Variants in CAMSAP2 observed in about 807,000 individuals in gnomAD.
CAMSAP2 encodes the protein calmodulin-regulated spectrin-associated protein 2.
CAMSAP2 carries 26 observed loss-of-function variants against 146.1 expected under a neutral mutation model. The observed-to-expected ratio is 0.18, with a 90% CI of 0.13 to 0.25. The LOEUF is 0.25. CAMSAP2 is among the 10% of genes least tolerant of loss of function. CAMSAP2 has a pLI of 1.00. For missense variants in CAMSAP2, 1,381 were observed against 1,759.3 expected (o/e 0.78, Z 3.85); for synonymous variants, 499 against 596.6 (o/e 0.84, Z 2.38).
chr1:200,840,708 A>G (rs1414770816), intron 6 of CAMSAP2, among the ~76,000 whole-genome samples: 1 of 152,254 alleles, frequency 6.6e-6, no homozygotes, highest in African/African-American at 2.4e-5. Flanking sequence ...AGGATTATTC[A>G]TAATTAGCAA....
chr1:200,755,738 C>G lies in CAMSAP2; in HGVS notation c.140-5101C>G, dbSNP rs527282931. On this transcript the variant is annotated intron_variant, in intron 1 of 16. Transcript: ENST00000358823. ...TGTGTTTCAGACGCAGTTCCAGGTA[C>G]TAGTGACACAGGACAGATAAGTATC... Among the ~76,000 whole-genome samples, 281 of 152,266 alleles carry G rather than the reference C, an allele frequency of 1.8e-3. 1 individual carries two copies. Among genetic ancestry groups the G allele is most frequent in the Middle Eastern group, 3.4e-3 (1 of 294 alleles).
At chr1:200,829,011 T>C (rs1004846466) in intron 4 of CAMSAP2, among the ~76,000 whole-genome samples, 8 of 151,858 alleles carry the variant, frequency 5.3e-5, no homozygotes, top group African/African-American at 1.9e-4. Context: ...CAAAATTAGC[T>C]GGGCGTGGTG....
chr1:200,791,573 T>C (rs188100977), intron 2 of CAMSAP2, among the ~76,000 whole-genome samples: 120 of 152,284 alleles, frequency 7.9e-4, no homozygotes, highest in African/African-American at 2.7e-3. Context: ...TTTTATGCTT[T>C]AGTTGGATAG....
At chr1:200,828,930 G>A (rs909800012) in intron 4 of CAMSAP2, among the ~76,000 whole-genome samples, 2 of 151,772 alleles carry the variant, frequency 1.3e-5, no homozygotes, top group Non-Finnish European at 2.9e-5. Context: ...GGCCAAGGTG[G>A]GCAGATCATG....
chr1:200,835,448 G>A (rs1223910216), intron 6 of CAMSAP2, among the ~76,000 whole-genome samples: 1 of 151,992 alleles, frequency 6.6e-6, no homozygotes, highest in Non-Finnish European at 1.5e-5. Flanking sequence ...TTCATTCATC[G>A]GCAGATATTT....
In CAMSAP2 at chr1:200,767,719, G is replaced by A. The variant is rs552682986; in HGVS notation, c.399+6621G>A. 7.3e-4 allele frequency among the ~76,000 whole-genome samples: 111 copies of A among 152,252 alleles called. No individual in the cohort carries two copies. In the South Asian group the frequency reaches 0.011, roughly 15 times the overall value. On this transcript the variant is annotated intron_variant, in intron 2 of 16. Coordinates refer to ENST00000358823, the MANE Select transcript of CAMSAP2 (RefSeq NM_203459.4). ...GCTTGCAAATTTATAAGCCAAACCTGTCTTTGAAAAATTAATTACATTCTC... is the reference window on the plus strand; with the variant it reads ...GCTTGCAAATTTATAAGCCAAACCTATCTTTGAAAAATTAATTACATTCTC...
chr1:200,854,803 T>C lies in CAMSAP2; in HGVS notation c.3824-14T>C, dbSNP rs1200382175. 6.2e-7 allele frequency: 1 copy of C among 1,602,434 alleles called. No homozygotes were observed. Among genetic ancestry groups the C allele is most frequent in the Middle Eastern group, 1.7e-4 (1 of 6,002 alleles). ...GTTTTTATTCAGGATCATGAATTTA[T>C]CGTGTTTTTTCAGTCTCTAGCCTTT... On this transcript the variant is annotated splice_polypyrimidine_tract_variant and intron_variant, in intron 13 of 16. Coordinates refer to ENST00000358823, the MANE Select transcript of CAMSAP2 (RefSeq NM_203459.4).
chr1:200,763,524 C>T (rs953854439), intron 2 of CAMSAP2, among the ~76,000 whole-genome samples: 4 of 151,920 alleles, frequency 2.6e-5, no homozygotes, highest in Non-Finnish European at 5.9e-5. Flanking sequence ...GACTGGGCGA[C>T]AGAGTGAGAC....
At position 200,848,980 on chromosome 1, in the gene CAMSAP2, A is replaced by G. The variant is rs746567139; in HGVS notation, c.2211A>G (p.Pro737=). The part of the protein sequence containing the change: ...WAQIPEETGL[P]QGRDTTQLLA... ...AAATTCCAGAAGAAACAGGGCTTCC[A>G]CAGGGACGGGACACTACCCAGCTGT... is the stretch of plus-strand genomic sequence containing the variant. The change falls in exon 11 of 17, where the codon CCA becomes CCG. Residue 737 remains proline (P), a synonymous_variant. Transcript: ENST00000358823. 3 of 1,614,102 alleles carry G rather than the reference A, an allele frequency of 1.9e-6. No individual in the cohort carries two copies. In the African/African-American group the frequency reaches 4.0e-5, roughly 22 times the overall value.
chr1:200,811,030 T>C (rs1436868303), intron 3 of CAMSAP2, among the ~76,000 whole-genome samples: 1 of 152,216 alleles, frequency 6.6e-6, no homozygotes, highest in East Asian at 1.9e-4. Flanking sequence ...CTCTTCTCTC[T>C]CTCTCCCATA....
intron 2 of CAMSAP2, among the ~76,000 whole-genome samples, chr1:200,778,770 AT>A (rs34220141): frequency 0.16 from 24,128 of 151,676 alleles, 2,534 homozygotes; most frequent in East Asian, 0.35. Context: ...GTTGTTCCTC[AT>A]TTTTTTTCAT....
At chr1:200,777,634 C>A (rs988321109) in intron 2 of CAMSAP2, among the ~76,000 whole-genome samples, 3 of 152,004 alleles carry the variant, frequency 2.0e-5, no homozygotes, top group Middle Eastern at 3.4e-3. Context: ...TATAATGGAG[C>A]CAAAGTGAAA....
chr1:200,831,875 A>G (rs746758038), intron 4 of CAMSAP2, among the ~76,000 whole-genome samples: 58 of 152,276 alleles, frequency 3.8e-4, no homozygotes, highest in Middle Eastern at 6.8e-3. Context: ...TATTATCTTC[A>G]AAAGAGCAGA....
chr1:200,786,149 T>C (rs1038106176), intron 2 of CAMSAP2, among the ~76,000 whole-genome samples: 4 of 152,198 alleles, frequency 2.6e-5, no homozygotes, highest in African/African-American at 9.7e-5. Flanking sequence ...TATTAATATA[T>C]ATGGAGGTTT....
rs1435403820 is a variant in CAMSAP2 at position 200,761,058 on chromosome 1, T to G, written c.359T>G (p.Leu120Trp). The G allele has an allele frequency of 6.3e-7, 1 of 1,588,812 alleles. No individual in the cohort carries two copies. The highest frequency in any genetic ancestry group is 1.5e-5 in the African/African-American group (1 of 68,480). Residue 120 changes from leucine to tryptophan, a missense_variant, in exon 2 of 17, where the codon TTG becomes TGG. By Grantham distance (61) the Leu-to-Trp change is moderately conservative. Around this residue, in one of 4 missense-constraint regions of CAMSAP2, gnomAD observed 284 missense variants for 406.9 expected, o/e 0.70. Coordinates refer to ENST00000358823, the MANE Select transcript of CAMSAP2 (RefSeq NM_203459.4). ...KGLYVTDQEKLVTERDLHKKP... is the reference protein window; with the variant it reads ...KGLYVTDQEKWVTERDLHKKP... Reference sequence around the variant, plus strand: ...CTTTATGTCACTGACCAGGAAAAATTGGTAACTGAACGAGATCTCCACAAG... The same window carrying G: ...CTTTATGTCACTGACCAGGAAAAATGGGTAACTGAACGAGATCTCCACAAG...
intron 2 of CAMSAP2, among the ~76,000 whole-genome samples, chr1:200,801,979 G>A (rs1666046935): frequency 6.6e-6 from 1 of 152,186 alleles, no homozygotes; most frequent in South Asian, 2.1e-4. Context: ...GTTGAGGACA[G>A]TAGTAATACT....
In CAMSAP2 at chr1:200,848,912, G is replaced by C. The variant is rs1667538009; in HGVS notation, c.2143G>C (p.Glu715Gln). 6.2e-7 allele frequency: 1 copy of C among 1,614,050 alleles called. No individual in the cohort carries two copies. The highest frequency in any genetic ancestry group is 1.7e-5 in the Admixed American group (1 of 59,996). ...AAGCAGTTCTCAAAAAACTACACCA[G>C]AAGGCTCTGAACTTAATATTCCTCA... is the stretch of plus-strand genomic sequence containing the variant. ...SGSSSQKTTP[E>Q]GSELNIPHVV... The change falls in exon 11 of 17, where the codon GAA (glutamate) becomes CAA (glutamine). Residue 715 changes from glutamate to glutamine, a missense_variant. Transcript: ENST00000358823.
At chr1:200,834,045 A>G (rs969986169) in intron 6 of CAMSAP2, among the ~76,000 whole-genome samples, 4 of 152,174 alleles carry the variant, frequency 2.6e-5, no homozygotes, top group Non-Finnish European at 5.9e-5. Flanking sequence ...AATATATTTT[A>G]TTTACATTGA....
intron 6 of CAMSAP2, among the ~76,000 whole-genome samples, chr1:200,835,892 T>C (rs555806132): frequency 1.9e-4 from 29 of 152,332 alleles, no homozygotes; most frequent in African/African-American, 7.0e-4. Context: ...TTGTTTAAGT[T>C]GGTATACCTT....
Sources: gnomAD v4.1 joint callset for allele counts (sites outside exome capture counted in the v4.1 genomes callset) on GRCh38, gnomAD v4.1.1 for gene constraint, gnomAD v4.1.1 regional missense constraint, MANE v1.5 for transcripts, NCBI Gene and HGNC (gene_info 2026-07-23, HGNC 2026-07-21) for gene names.